The following USP28 variants were observed in gnomAD, a reference collection of about 807,000 sequenced individuals.
The protein encoded by USP28 is ubiquitin specific peptidase 28.
USP28 carries 113 observed loss-of-function variants against 145.0 expected under a neutral mutation model. The ratio of observed to expected loss-of-function variants is 0.78; its 90% CI spans 0.67 to 0.91. USP28 has a LOEUF of 0.91. USP28 is among the 40% of genes least tolerant of loss of function. USP28 has a pLI of 0.00. For synonymous variants in USP28, 447 were observed against 450.9 expected (o/e 0.99, Z 0.11); for missense variants, 1,201 against 1,289.6 (o/e 0.93, Z 1.05).
At chr11:113,861,912 G>C (rs2136855834) in intron 1 of USP28, among the ~76,000 whole-genome samples, 1 of 152,270 alleles carries the variant, frequency 6.6e-6, no homozygotes, top group Admixed American at 6.5e-5. Context: ...CATATTGGTA[G>C]GGCTAATTGA....
chr11:113,874,537 G>C (rs1469076861), intron 1 of USP28: 1 of 1,288,448 alleles, frequency 7.8e-7, no homozygotes, highest in Non-Finnish European at 1.0e-6. Context: ...CTGTCTGCCA[G>C]CTTTGTACGA....
chr11:113,811,666 C>T (rs1032245562), intron 16 of USP28, among the ~76,000 whole-genome samples: 6 of 149,944 alleles, frequency 4.0e-5, no homozygotes, highest in Non-Finnish European at 5.9e-5. Context: ...CCAGCCTGGG[C>T]GACAAAGCAA....
At chr11:113,831,050 C>T (rs553600256) in intron 8 of USP28, 107 bp from the exon 9 acceptor site, 1 of 1,068,848 alleles carries the variant, frequency 9.4e-7, no homozygotes, top group South Asian at 1.3e-5. Context: ...TCATCAACCC[C>T]CAAAGAGCCA....
At chr11:113,801,803 AACT>A in intron 23 of USP28, 125 bp from the exon 25 acceptor site, 1 of 697,160 alleles carries the variant, frequency 1.4e-6, no homozygotes, top group Non-Finnish European at 2.2e-6. Flanking sequence ...GATCTTTAAA[AACT>A]ACTGATGCCT....
At chr11:113,847,563 A>G (rs1473033264) in intron 3 of USP28, among the ~76,000 whole-genome samples, 3 of 152,204 alleles carry the variant, frequency 2.0e-5, no homozygotes, top group Non-Finnish European at 4.4e-5. Flanking sequence ...AACTGCCAAC[A>G]CTGTTAATGA....
At position 113,809,063 on chromosome 11, in the gene USP28, C is replaced by T. The variant is rs1319708123; in HGVS notation, c.2164G>A (p.Glu722Lys). 4 of 1,612,916 alleles carry T rather than the reference C, an allele frequency of 2.5e-6. No homozygotes were observed. In the Admixed American group the frequency reaches 6.7e-5, roughly 27 times the overall value. The change falls in exon 17 of 25, where the codon GAG (glutamate) becomes AAG (lysine). Residue 722 changes from glutamate to lysine, a missense_variant and splice_region_variant. Physicochemically the swap from Glu to Lys is moderately conservative, Grantham distance 56. Transcript: ENST00000003302. ...CTGGCATAAATGCCTTCTCAGATAC[C>T]TTGTGATGTAGAGTAGTCCTGTGAT...
intron 3 of USP28, among the ~76,000 whole-genome samples, chr11:113,847,382 G>T (rs1367601482): frequency 1.5e-5 from 2 of 130,858 alleles, no homozygotes; most frequent in Non-Finnish European, 3.1e-5. Context: ...CCAAACTCCA[G>T]AATGTGTGAA....
At chr11:113,804,780 G>A (rs756527954) in intron 20 of USP28, 29 bp from the exon 22 acceptor site, 1 of 1,612,274 alleles carries the variant, frequency 6.2e-7, no homozygotes, top group Admixed American at 1.7e-5. Flanking sequence ...AGAAAGCAAT[G>A]AAAAGGCACA....
intron 12 of USP28, among the ~76,000 whole-genome samples, chr11:113,819,965 G>A (rs966558539): frequency 3.9e-5 from 6 of 152,202 alleles, no homozygotes; most frequent in Middle Eastern, 6.8e-3. Flanking sequence ...GTGATCCACC[G>A]CGCCCGGCCA....
chr11:113,798,979 A>G, exon 25 of USP28: 1 of 288,176 alleles, frequency 3.5e-6, no homozygotes, highest in Non-Finnish European at 6.4e-6. Context: ...TGTAGGTACA[A>G]GGCATTTCAG....
chr11:113,799,496 TACC>T lies in USP28; in HGVS notation c.3059-84_3059-82del. On this transcript the variant is annotated intron_variant, in intron 24 of 24. Coordinates refer to ENST00000003302, the Ensembl canonical transcript of USP28. Reference sequence around the variant, plus strand: ...GTGAACAAGCCTTCTATTAGCCCCTTACCTAACCTCAAAGGTCAAAGCATTATG... The same window carrying T: ...GTGAACAAGCCTTCTATTAGCCCCTTTAACCTCAAAGGTCAAAGCATTATG... The T allele has an allele frequency of 2.7e-6, 4 of 1,459,020 alleles. No homozygotes were observed. In the South Asian group the frequency reaches 5.4e-5, roughly 20 times the overall value. 90.4% of individuals were successfully genotyped at this position (1,459,020 alleles called of 1,614,324 possible).
rs575161384 is a variant in USP28 at position 113,807,175 on chromosome 11, C to T, written c.2305-591G>A. ...GCAACCTCCGCCTCCCGGGTTCAAG[C>T]GGTTCTCCTGCCTCAGCCTCCCAAG... On this transcript the variant is annotated intron_variant, in intron 18 of 24. Coordinates refer to ENST00000003302, the Ensembl canonical transcript of USP28. 3.9e-5 allele frequency among the ~76,000 whole-genome samples: 6 copies of T among 152,026 alleles called. No homozygotes were observed. In the East Asian group the frequency reaches 7.8e-4, roughly 20 times the overall value.
At chr11:113,816,298 C>G (rs1271149868) in intron 13 of USP28, among the ~76,000 whole-genome samples, 2 of 152,112 alleles carry the variant, frequency 1.3e-5, no homozygotes, top group African/African-American at 4.8e-5. Flanking sequence ...GGGCAAATTA[C>G]CAGGTCAAGA....
exon 4 of USP28, chr11:113,841,713 C>T (rs748139082): frequency 2.5e-6 from 4 of 1,613,510 alleles, no homozygotes; most frequent in African/African-American, 2.7e-5. Flanking sequence ...CCAGTAGACT[C>T]AAAGCAATGG....
intron 2 of USP28, among the ~76,000 whole-genome samples, chr11:113,852,865 A>G (rs1238577058): frequency 1.3e-5 from 2 of 152,102 alleles, no homozygotes; most frequent in Non-Finnish European, 2.9e-5. Flanking sequence ...CCCAAACAAA[A>G]GTGAAATCTT....
intron 5 of USP28, among the ~76,000 whole-genome samples, chr11:113,835,760 GA>G (rs1944495682): frequency 6.6e-6 from 1 of 152,190 alleles, no homozygotes. Context: ...TCACCATCAG[GA>G]AAATCGGGCT....
chr11:113,828,297 G>C, intron 10 of USP28, among the ~76,000 whole-genome samples: 1 of 152,148 alleles, frequency 6.6e-6, no homozygotes, highest in East Asian at 1.9e-4. Flanking sequence ...CTGGAATACA[G>C]GTCTCCACAG....
intron 2 of USP28, among the ~76,000 whole-genome samples, chr11:113,853,387 A>T (rs961766261): frequency 6.6e-6 from 1 of 151,948 alleles, no homozygotes; most frequent in Non-Finnish European, 1.5e-5. Flanking sequence ...TTTTATGAGG[A>T]AACATTTCTA....
chr11:113,809,790 T>C (rs11606284), intron 16 of USP28, among the ~76,000 whole-genome samples: 24,488 of 152,196 alleles, frequency 0.16, 2,071 homozygotes, highest in Non-Finnish European at 0.18. Flanking sequence ...CCCAGCACTT[T>C]GGGAGGCCAA....
Sources: allele counts gnomAD v4.1 joint callset (sites outside exome capture counted in the v4.1 genomes callset), GRCh38; gene constraint gnomAD v4.1.1; transcripts MANE v1.5; gene names NCBI Gene and HGNC (gene_info 2026-07-23, HGNC 2026-07-21).